The following ATP11A variants were observed in gnomAD, a reference collection of about 807,000 sequenced individuals.
ATP11A encodes the protein phospholipid-transporting ATPase IH.
A neutral mutation model predicts 154.4 loss-of-function variants in ATP11A; 81 were observed. The ratio of observed to expected loss-of-function variants is 0.52; its 90% CI spans 0.44 to 0.63. ATP11A has a LOEUF of 0.63. ATP11A is among the 30% of genes least tolerant of loss of function. The pLI is 0.00. For missense variants in ATP11A, 1,316 were observed against 1,474.3 expected (o/e 0.89, Z 1.76); for synonymous variants, 623 against 585.9 (o/e 1.06, Z -0.91).
chr13:112,703,093 C>A (rs1886759752), intron 1 of ATP11A, among the ~76,000 whole-genome samples: 1 of 152,246 alleles, frequency 6.6e-6, no homozygotes, highest in Non-Finnish European at 1.5e-5. Flanking sequence ...GCCTGTGTTT[C>A]AGAGAGCTCA....
Position 112,885,880 on chromosome 13 carries a change from G to A in ATP11A, c.*4014G>A, listed in dbSNP as rs903787292. The A allele has an allele frequency of 1.3e-5, 2 of 152,312 alleles. No homozygotes were observed. Among genetic ancestry groups the A allele is most frequent in the African/African-American group, 4.8e-5 (2 of 41,482 alleles). The allele number at this position is 152,312 out of a possible 1,614,324, so 9.4% of individuals were successfully genotyped here. ...GGGCTTTGCAGAGCAGGCCCCGGGGGTGAAGTCGCAGCTTCACTTACACCA... is the reference window on the plus strand; with the variant it reads ...GGGCTTTGCAGAGCAGGCCCCGGGGATGAAGTCGCAGCTTCACTTACACCA... On this transcript the variant is annotated 3_prime_UTR_variant, in exon 30 of 30. Coordinates refer to ENST00000375645, the MANE Select transcript of ATP11A (RefSeq NM_015205.3).
Position 112,802,610 on chromosome 13 carries a change from G to A in ATP11A, c.163-2347G>A, listed in dbSNP as rs181850058. Among the ~76,000 whole-genome samples, 153 of 147,026 alleles carry A rather than the reference G, an allele frequency of 1.0e-3. 1 individual carries two copies. The highest frequency in any genetic ancestry group is 2.0e-3 in the Non-Finnish European group (132 of 67,258). ...TGACTCTAGACAGTGATCACACACC[G>A]TTCAAGAAAATTAGCTCAAAGTGAG... is the stretch of plus-strand genomic sequence containing the variant. On this transcript the variant is annotated intron_variant, in intron 2 of 29. Transcript: ENST00000375645.
At chr13:112,817,825 T>C (rs1327825476) in intron 6 of ATP11A, among the ~76,000 whole-genome samples, 3 of 152,232 alleles carry the variant, frequency 2.0e-5, no homozygotes, top group African/African-American at 7.2e-5. Context: ...TTTTGTGCAT[T>C]TTGTTTAGCT....
chr13:112,772,648 C>T (rs574686728), intron 1 of ATP11A, among the ~76,000 whole-genome samples: 8 of 152,302 alleles, frequency 5.3e-5, no homozygotes, highest in African/African-American at 9.6e-5. Flanking sequence ...GCTCCCCTCC[C>T]GTCATGCCCC....
intron 1 of ATP11A, among the ~76,000 whole-genome samples, chr13:112,728,751 A>G (rs553518670): frequency 1.3e-5 from 2 of 152,130 alleles, no homozygotes; most frequent in Non-Finnish European, 2.9e-5. Flanking sequence ...TTTAACTACA[A>G]ATATTCTGTG....
intron 1 of ATP11A, among the ~76,000 whole-genome samples, chr13:112,784,681 C>T (rs778436289): frequency 6.6e-6 from 1 of 152,144 alleles, no homozygotes; most frequent in African/African-American, 2.4e-5. Flanking sequence ...CACCACCACA[C>T]CCGGCTAATT....
chr13:112,780,172 C>T (rs1216941576), intron 1 of ATP11A, among the ~76,000 whole-genome samples: 1 of 152,048 alleles, frequency 6.6e-6, no homozygotes, highest in Admixed American at 6.6e-5. Context: ...AGGTATAATT[C>T]ACATACTGTA....
At chr13:112,823,322 T>C (rs771360900) in intron 8 of ATP11A, 23 bp from the exon 9 acceptor site, 70 of 1,609,870 alleles carry the variant, frequency 4.3e-5, no homozygotes, top group Non-Finnish European at 5.7e-5. Context: ...TCCGCATCAT[T>C]TCTGATCATC....
At chr13:112,698,568 AG>A (rs1260542813) in intron 1 of ATP11A, among the ~76,000 whole-genome samples, 1 of 152,152 alleles carries the variant, frequency 6.6e-6, no homozygotes, top group East Asian at 1.9e-4. Flanking sequence ...TCACTCATGC[AG>A]GGATGCTGGG....
intron 18 of ATP11A, among the ~76,000 whole-genome samples, chr13:112,853,267 C>T (rs1329975978): frequency 6.6e-6 from 1 of 151,608 alleles, no homozygotes; most frequent in Non-Finnish European, 1.5e-5. Context: ...TATATGCACA[C>T]ACACATATGT....
rs370084378 is a variant in ATP11A at position 112,881,951 on chromosome 13, T to C, written c.*85T>C. On this transcript the variant is annotated 3_prime_UTR_variant, in exon 30 of 30. Coordinates refer to ENST00000375645, the MANE Select transcript of ATP11A (RefSeq NM_015205.3). The stretch of plus-strand genomic sequence containing the variant: ...CTCTCAGCAGGTGACACTCGCGGCC[T>C]GGAAGGAGAAGGTGTCCACGGAGCC... 2 of 1,367,638 alleles carry C rather than the reference T, an allele frequency of 1.5e-6. No individual in the cohort carries two copies. The highest frequency in any genetic ancestry group is 3.0e-5 in the African/African-American group (2 of 67,722). 84.7% of individuals were successfully genotyped at this position (1,367,638 alleles called of 1,614,324 possible). A position where few individuals can be genotyped will look rare whatever the true frequency, so the allele number is the denominator to read the frequency against.
At chr13:112,853,549 G>A in intron 18 of ATP11A, among the ~76,000 whole-genome samples, 1 of 152,192 alleles carries the variant, frequency 6.6e-6, no homozygotes, top group East Asian at 1.9e-4. Flanking sequence ...TTTGACCCCA[G>A]ATCTCCCAAG....
chr13:112,748,698 C>G (rs949243632), intron 1 of ATP11A, among the ~76,000 whole-genome samples: 5 of 152,204 alleles, frequency 3.3e-5, no homozygotes, highest in African/African-American at 1.2e-4. Context: ...GTCATTTATG[C>G]TTCTTCCTGT....
At chr13:112,732,864 C>T (rs1890635593) in intron 1 of ATP11A, among the ~76,000 whole-genome samples, 1 of 152,178 alleles carries the variant, frequency 6.6e-6, no homozygotes, top group South Asian at 2.1e-4. Flanking sequence ...TCACCTGCCT[C>T]GGCCTCCCAA....
chr13:112,881,420 T>TTG, intron 29 of ATP11A: 1 of 1,041,930 alleles, frequency 9.6e-7, no homozygotes, highest in Non-Finnish European at 1.2e-6. Flanking sequence ...TGAGTTCGCC[T>TTG]TTTGTTCAAG....
At chr13:112,880,634 G>C in intron 29 of ATP11A, 1 of 1,296,278 alleles carries the variant, frequency 7.7e-7, no homozygotes, top group Non-Finnish European at 1.0e-6. Flanking sequence ...CCAAGGCGCA[G>C]TTAGCTCCAC....
chr13:112,772,368 G>A (rs1248241139), intron 1 of ATP11A, among the ~76,000 whole-genome samples: 1 of 152,238 alleles, frequency 6.6e-6, no homozygotes, highest in Non-Finnish European at 1.5e-5. Context: ...TGGAAGCAGG[G>A]CAGTGAGCAG....
chr13:112,751,730 T>C (rs1308719437), intron 1 of ATP11A, among the ~76,000 whole-genome samples: 2 of 143,512 alleles, frequency 1.4e-5, no homozygotes, highest in Non-Finnish European at 3.1e-5. Flanking sequence ...CTGCAGATAA[T>C]CCCCCCCCCC....
intron 1 of ATP11A, chr13:112,745,789 A>G (rs985595449): frequency 1.3e-5 from 2 of 152,096 alleles, no homozygotes; most frequent in African/African-American, 2.4e-5. Flanking sequence ...AAAAGCATGC[A>G]TGGAACTGAC....
Sources: gnomAD v4.1 joint callset for allele counts (sites outside exome capture counted in the v4.1 genomes callset) on GRCh38, gnomAD v4.1.1 for gene constraint, MANE v1.5 for transcripts, NCBI Gene and HGNC (gene_info 2026-07-23, HGNC 2026-07-21) for gene names.